Variants in KCTD1 observed in about 807,000 individuals in gnomAD.
KCTD1 encodes the protein potassium channel tetramerization domain containing 1.
In KCTD1, 24 loss-of-function variants were observed where a neutral mutation model predicts 66.0. The ratio of observed to expected loss-of-function variants is 0.36; its 90% CI spans 0.26 to 0.51. The LOEUF is 0.51. Among genes scored for constraint, KCTD1 ranks in the 20% least tolerant of loss-of-function variants. The pLI, the probability that KCTD1 is intolerant of heterozygous loss-of-function variation, is 0.95. For missense variants in KCTD1, 943 were observed against 1,205.2 expected (o/e 0.78, Z 3.22); for synonymous variants, 511 against 517.2 (o/e 0.99, Z 0.16).
intron 2 of KCTD1, among the ~76,000 whole-genome samples, chr18:26,493,512 A>G (rs1449416981): frequency 1.3e-5 from 2 of 152,112 alleles, no homozygotes; most frequent in East Asian, 1.9e-4. Flanking sequence ...TGTTCTAGAA[A>G]AAGAACACCT....
chr18:26,535,940 T>C (rs563237172), intron 1 of KCTD1, among the ~76,000 whole-genome samples: 2 of 131,740 alleles, frequency 1.5e-5, no homozygotes, highest in Admixed American at 9.0e-5. Context: ...GGTTACTTAT[T>C]TGCCTCCCCC....
intron 1 of KCTD1, among the ~76,000 whole-genome samples, chr18:26,534,367 T>TTA (rs1984589443): frequency 6.6e-6 from 1 of 152,226 alleles, no homozygotes; most frequent in Admixed American, 6.5e-5. Flanking sequence ...TCTCTAAACT[T>TTA]TAGTTTTTAT....
chr18:26,617,204 CA>C (rs1157877629), intron 1 of KCTD1, among the ~76,000 whole-genome samples: 3 of 152,156 alleles, frequency 2.0e-5, no homozygotes, highest in African/African-American at 7.2e-5. Context: ...ATAACCTTTC[CA>C]GGTCATTTCT....
In KCTD1 at chr18:26,548,111, G is replaced by T. The variant is rs1985344312; in HGVS notation, c.426C>A (p.Pro142=). 7.6e-7 allele frequency: 1 copy of T among 1,309,274 alleles called. No homozygotes were observed. 81.1% of individuals were successfully genotyped at this position (1,309,274 alleles called of 1,614,324 possible). The change falls in exon 1 of 5, where the codon CCC becomes CCA. Residue 142 remains proline, a synonymous_variant. Coordinates refer to ENST00000580059, the MANE Select transcript of KCTD1 (RefSeq NM_001142730.3). ...EPEAPPRLLA[P]RARGGPPGDG... ...CCCCGGGCGGCCCACCGCGGGCCCGGGGCGCCAGCAGTCGCGGCGGCGCCT... is the reference window on the plus strand; with the variant it reads ...CCCCGGGCGGCCCACCGCGGGCCCGTGGCGCCAGCAGTCGCGGCGGCGCCT...
At chr18:26,582,264 C>T (rs1232589691) in intron 1 of KCTD1, among the ~76,000 whole-genome samples, 2 of 106,736 alleles carry the variant, frequency 1.9e-5, no homozygotes, top group Admixed American at 2.1e-4. Flanking sequence ...CAGAGTGACA[C>T]CCCGTCTAAA....
Position 26,532,703 on chromosome 18 carries a change from T to A in KCTD1, c.1809+14025A>T, listed in dbSNP as rs1984509523. Among the ~76,000 whole-genome samples the A allele has an allele frequency of 2.0e-5, 3 of 152,186 alleles. No individual in the cohort carries two copies. In the South Asian group the frequency reaches 6.2e-4, roughly 32 times the overall value. On this transcript the variant is annotated intron_variant, in intron 1 of 4. Coordinates refer to ENST00000580059, the MANE Select transcript of KCTD1 (RefSeq NM_001142730.3). ...GCTCTGGCTTTACGCAGTGCCTTAT[T>A]GTGATTATGTTGGCATGAGTGGTCA...
chr18:26,634,208 T>C (rs1461469567), upstream of KCTD1, among the ~76,000 whole-genome samples: 1 of 152,164 alleles, frequency 6.6e-6, no homozygotes, highest in Non-Finnish European at 1.5e-5. Context: ...TCCTCATTAG[T>C]ACAAAATGGG....
chr18:26,561,227 G>A (rs536279742), intron 1 of KCTD1, among the ~76,000 whole-genome samples: 1 of 152,254 alleles, frequency 6.6e-6, no homozygotes. Flanking sequence ...TAACTGCAGT[G>A]GAGTAAAAAG....
At position 26,501,242 on chromosome 18, in the gene KCTD1, C is replaced by G. The variant is rs765606973; in HGVS notation, c.1818G>C (p.Arg606=). ...TGATCAGAGGTCTTGACATATTGGG[C>G]CGACTGTCCTACAGAGAGATAAGCA... ...PAIVSPTQDS[R]PNMSRPLITR... is the part of the protein sequence containing the mutation. The change falls in exon 2 of 5, where the codon CGG becomes CGC. Residue 606 remains arginine, a synonymous_variant. Transcript: ENST00000580059. The G allele has an allele frequency of 6.2e-7, 1 of 1,613,760 alleles. No individual in the cohort carries two copies. Among genetic ancestry groups the G allele is most frequent in the Non-Finnish European group, 8.5e-7 (1 of 1,179,854 alleles).
intron 1 of KCTD1, among the ~76,000 whole-genome samples, chr18:26,537,496 C>T (rs1398169371): frequency 2.6e-5 from 4 of 152,120 alleles, no homozygotes; most frequent in African/African-American, 4.8e-5. Flanking sequence ...AACTGGTCAG[C>T]GATAATGTAT....
chr18:26,501,196 G>A lies in KCTD1; in HGVS notation c.1864C>T (p.Leu622=). ...GGAGTAGGGATGCCTTGGTTGTTCA[G>A]TGGAGATGCAGGGGATCTAGTGATC... ...PLITRSPASP[L]NNQGIPTPAQ... The change falls in exon 2 of 5, where the codon CTG becomes TTG. Residue 622 remains leucine (L), a synonymous_variant. Transcript: ENST00000580059. 4 of 1,614,216 alleles carry A rather than the reference G, an allele frequency of 2.5e-6. No homozygotes were observed. Among genetic ancestry groups the A allele is most frequent in the Non-Finnish European group, 3.4e-6 (4 of 1,180,036 alleles).
At chr18:26,494,577 G>T (rs548585808) in intron 2 of KCTD1, among the ~76,000 whole-genome samples, 1 of 152,258 alleles carries the variant, frequency 6.6e-6, no homozygotes, top group Admixed American at 6.5e-5. Flanking sequence ...TGGCTTTTCA[G>T]CACTAAACAT....
At chr18:26,499,117 G>A (rs899588951) in intron 2 of KCTD1, among the ~76,000 whole-genome samples, 1 of 152,172 alleles carries the variant, frequency 6.6e-6, no homozygotes, top group Non-Finnish European at 1.5e-5. Context: ...CTGTCTCAAG[G>A]TTTAATTTAC....
At chr18:26,473,662 C>T (rs951511894) in intron 3 of KCTD1, among the ~76,000 whole-genome samples, 2 of 152,034 alleles carry the variant, frequency 1.3e-5, no homozygotes, top group Non-Finnish European at 2.9e-5. Flanking sequence ...ACTGATGAAG[C>T]GGCTTTTGCT....
chr18:26,590,521 C>T (rs1253957299), intron 1 of KCTD1, among the ~76,000 whole-genome samples: 4 of 152,094 alleles, frequency 2.6e-5, no homozygotes, highest in African/African-American at 9.7e-5. Context: ...GCTGATCAAG[C>T]GATACCTTAA....
Position 26,468,874 on chromosome 18 carries a change from T to G in KCTD1, c.2133+7641A>C. ...AGAAACCAAAAAACCCCAAAAGCCA[T>G]GTCCCTCCCAGGTTCAAGAGAAAAC... On this transcript the variant is annotated intron_variant, in intron 3 of 4. Transcript: ENST00000580059. This position sits in a 1 kb window ranked among gnomAD's most constrained non-coding sequence, Gnocchi z 4.8. 6.6e-6 allele frequency among the ~76,000 whole-genome samples: 1 copy of G among 152,238 alleles called. No individual in the cohort carries two copies. The highest frequency in any genetic ancestry group is 2.4e-5 in the African/African-American group (1 of 41,544).
At chr18:26,596,806 C>T (rs1053846819) in intron 1 of KCTD1, among the ~76,000 whole-genome samples, 7 of 152,248 alleles carry the variant, frequency 4.6e-5, no homozygotes, top group Non-Finnish European at 8.8e-5. Flanking sequence ...TGTTACTACT[C>T]TCTATAATGT....
chr18:26,536,966 C>A (rs1395656765), intron 1 of KCTD1, among the ~76,000 whole-genome samples: 1 of 150,480 alleles, frequency 6.6e-6, no homozygotes, highest in East Asian at 1.9e-4. Flanking sequence ...ATCATTACCA[C>A]CCCCACCACC....
In KCTD1 at chr18:26,548,288, C is replaced by T. The variant is rs1369808218; in HGVS notation, c.249G>A (p.Gly83=). 2 of 1,510,968 alleles carry T rather than the reference C, an allele frequency of 1.3e-6. No individual in the cohort carries two copies. Among genetic ancestry groups the T allele is most frequent in the Non-Finnish European group, 8.8e-7 (1 of 1,132,854 alleles). 93.6% of individuals were successfully genotyped at this position (1,510,968 alleles called of 1,614,324 possible). The change falls in exon 1 of 5, where the codon GGG becomes GGA. Residue 83 remains glycine, a synonymous_variant. Transcript: ENST00000580059. ...GDEEEEEDGG[G]GLEEDEEEEE... ...CCTCCTCCTCGTCCTCCTCCAGCCC[C>T]CCACCTCCGTCCTCCTCCTCCTCCT...
Sources: allele counts gnomAD v4.1 joint callset (sites outside exome capture counted in the v4.1 genomes callset), GRCh38; gene constraint gnomAD v4.1.1; non-coding constraint Gnocchi (gnomAD v3.1); transcripts MANE v1.5; gene names NCBI Gene and HGNC (gene_info 2026-07-23, HGNC 2026-07-21).